The following PDE4D variants were observed in gnomAD, a reference collection of about 807,000 sequenced individuals.
PDE4D encodes the protein phosphodiesterase 4D.
A neutral mutation model predicts 87.4 loss-of-function variants in PDE4D; 24 were observed. The ratio of observed to expected loss-of-function variants is 0.27; its 90% CI spans 0.20 to 0.39. The LOEUF (loss-of-function observed/expected upper bound fraction) is 0.39, where lower values mean the gene tolerates loss of function less well. Among genes scored for constraint, PDE4D ranks in the 10% least tolerant of loss-of-function variants. The pLI is 1.00. For missense variants in PDE4D, 714 were observed against 1,041.0 expected (o/e 0.69, Z 4.32); for synonymous variants, 384 against 383.2 (o/e 1.00, Z -0.02).
At chr5:60,202,895 C>G (rs1276686043) in intron 1 of PDE4D, among the ~76,000 whole-genome samples, 2 of 152,070 alleles carry the variant, frequency 1.3e-5, no homozygotes, top group Non-Finnish European at 1.5e-5. Context: ...AACACACATG[C>G]CCCTTGAATC....
intron 3 of PDE4D, among the ~76,000 whole-genome samples, chr5:59,928,411 C>G (rs1352013244): frequency 1.3e-5 from 2 of 148,530 alleles, no homozygotes; most frequent in Non-Finnish European, 1.5e-5. Context: ...GACACCGTCT[C>G]TACCGAAAAT....
At chr5:59,767,794 A>T (rs1193890222) in intron 1 of PDE4D, among the ~76,000 whole-genome samples, 1 of 152,284 alleles carries the variant, frequency 6.6e-6, no homozygotes, top group South Asian at 2.1e-4. Flanking sequence ...CATTACACAC[A>T]CACTGTATGT....
chr5:59,667,618 G>A (rs1052134302), intron 1 of PDE4D, among the ~76,000 whole-genome samples: 4 of 152,020 alleles, frequency 2.6e-5, no homozygotes, highest in Admixed American at 6.6e-5. Flanking sequence ...ATTCAGACCC[G>A]AACCTGAGAA....
At chr5:59,121,408 T>A (rs559663460) in intron 5 of PDE4D, among the ~76,000 whole-genome samples, 55 of 152,210 alleles carry the variant, frequency 3.6e-4, no homozygotes, top group African/African-American at 1.3e-3. Context: ...AATAGGCATT[T>A]CTCAAAAGAA....
At chr5:59,149,410 C>T (rs1036620820) in intron 5 of PDE4D, among the ~76,000 whole-genome samples, 1 of 152,150 alleles carries the variant, frequency 6.6e-6, no homozygotes, top group African/African-American at 2.4e-5. Flanking sequence ...CAGCACACCA[C>T]ATTGCTGTAT....
At chr5:60,142,519 A>G (rs1268070604) in intron 2 of PDE4D, among the ~76,000 whole-genome samples, 1 of 152,208 alleles carries the variant, frequency 6.6e-6, no homozygotes, top group Non-Finnish European at 1.5e-5. Flanking sequence ...TGTGAAGCAG[A>G]TGAAATCTGA....
At chr5:59,529,696 C>T (rs1331341502) in intron 1 of PDE4D, among the ~76,000 whole-genome samples, 1 of 152,046 alleles carries the variant, frequency 6.6e-6, no homozygotes, top group Admixed American at 6.6e-5. Flanking sequence ...ATATGTTGAC[C>T]AATTTAAGGT....
chr5:59,680,233 A>G (rs1327635898), intron 1 of PDE4D, among the ~76,000 whole-genome samples: 1 of 152,156 alleles, frequency 6.6e-6, no homozygotes, highest in African/African-American at 2.4e-5. Context: ...TTTGGAATTT[A>G]CTCAGAACTA....
At chr5:59,722,657 T>C (rs1166966241) in intron 1 of PDE4D, among the ~76,000 whole-genome samples, 1 of 152,160 alleles carries the variant, frequency 6.6e-6, no homozygotes, top group Non-Finnish European at 1.5e-5. Context: ...TAAATAGACC[T>C]TGTTGGGGTT....
chr5:60,050,097 G>A (rs560584626), intron 2 of PDE4D, among the ~76,000 whole-genome samples: 8 of 152,310 alleles, frequency 5.3e-5, no homozygotes, highest in Admixed American at 2.0e-4. Flanking sequence ...TCAGAAAAGC[G>A]CAGTATTCAG....
At chr5:59,501,762 C>T (rs945536670) in intron 1 of PDE4D, among the ~76,000 whole-genome samples, 1 of 152,108 alleles carries the variant, frequency 6.6e-6, no homozygotes, top group Non-Finnish European at 1.5e-5. Flanking sequence ...CCTAACTACA[C>T]TGGGGAAAGA....
intron 3 of PDE4D, among the ~76,000 whole-genome samples, chr5:59,916,250 G>C (rs1368741977): frequency 2.0e-5 from 3 of 152,062 alleles, no homozygotes; most frequent in Admixed American, 2.0e-4. Context: ...TATGCAACAA[G>C]CTCACATGTC....
At chr5:60,119,772 G>A (rs928338164) in intron 2 of PDE4D, among the ~76,000 whole-genome samples, 1 of 152,156 alleles carries the variant, frequency 6.6e-6, no homozygotes, top group Admixed American at 6.6e-5. Context: ...AAGTGGGTAT[G>A]AGAAATATTA....
At chr5:59,150,998 G>A (rs761876657) in intron 5 of PDE4D, among the ~76,000 whole-genome samples, 1 of 152,130 alleles carries the variant, frequency 6.6e-6, no homozygotes, top group Non-Finnish European at 1.5e-5. Context: ...TCCTGAGAAA[G>A]ACACCATATT....
chr5:59,994,786 C>T (rs904847044), intron 2 of PDE4D, among the ~76,000 whole-genome samples: 6 of 152,252 alleles, frequency 3.9e-5, no homozygotes, highest in Admixed American at 6.5e-5. Context: ...AAAAATTTAG[C>T]ATTTTCTTGT....
chr5:59,803,993 A>G (rs372316699), intron 1 of PDE4D, among the ~76,000 whole-genome samples: 1 of 152,170 alleles, frequency 6.6e-6, no homozygotes, highest in African/African-American at 2.4e-5. Context: ...TGGAATGACC[A>G]TGTCCCACTT....
intron 1 of PDE4D, among the ~76,000 whole-genome samples, chr5:59,716,981 GTTA>G (rs1280802979): frequency 6.6e-6 from 1 of 152,200 alleles, no homozygotes; most frequent in Non-Finnish European, 1.5e-5. Context: ...ATGCAAGCAT[GTTA>G]TTATTAGTCA....
chr5:59,474,240 T>C (rs993788225), intron 1 of PDE4D, among the ~76,000 whole-genome samples: 1 of 152,182 alleles, frequency 6.6e-6, no homozygotes, highest in African/African-American at 2.4e-5. Flanking sequence ...TGCCACTGTG[T>C]ACTTATTTTA....
At chr5:60,509,568 C>A (rs547992943) in intron 1 of PDE4D, among the ~76,000 whole-genome samples, 1 of 152,174 alleles carries the variant, frequency 6.6e-6, no homozygotes, top group Non-Finnish European at 1.5e-5. Context: ...GTTCCCCCTC[C>A]AATGCTAAGA....
Sources: allele counts gnomAD v4.1 joint callset (sites outside exome capture counted in the v4.1 genomes callset), GRCh38; gene constraint gnomAD v4.1.1; transcripts MANE v1.5; gene names NCBI Gene and HGNC (gene_info 2026-07-23, HGNC 2026-07-21).